C3orf49: variants seen among roughly 807,000 people sequenced by gnomAD.
C3orf49 encodes chromosome 3 open reading frame 49, also known as putative uncharacterized protein C3orf49.
In C3orf49, 27 loss-of-function variants were observed where a neutral mutation model predicts 13.3. The observed-to-expected ratio is 2.02, with a 90% CI of 1.49 to 2.79. C3orf49 has a LOEUF of 2.79. C3orf49 is among the 30% of genes most tolerant of loss of function. The pLI is 0.00. For missense variants in C3orf49, 242 were observed against 134.2 expected (o/e 1.80, Z -3.97); for synonymous variants, 87 against 47.6 (o/e 1.83, Z -3.40).
intron 5 of C3orf49, among the ~76,000 whole-genome samples, chr3:63,843,250 C>G (rs1701806291): frequency 6.6e-6 from 1 of 152,088 alleles, no homozygotes; most frequent in Admixed American, 6.6e-5. Context: ...TTCCGAGCAG[C>G]TGGGATTACA....
At chr3:63,818,563 G>C (rs1701349611), upstream of C3orf49, among the ~76,000 whole-genome samples, 1 of 152,196 alleles carries the variant, frequency 6.6e-6, no homozygotes, top group Non-Finnish European at 1.5e-5. Flanking sequence ...TTGAAAGCTT[G>C]AGAAGTATGC....
chr3:63,830,557 G>C (rs537230129), intron 3 of C3orf49, among the ~76,000 whole-genome samples: 8 of 152,240 alleles, frequency 5.3e-5, no homozygotes, highest in African/African-American at 1.9e-4. Context: ...CATGACCTGG[G>C]AATGATTTCC....
chr3:63,783,576 G>A, the C3orf49 span, among the ~76,000 whole-genome samples: 1 of 145,540 alleles, frequency 6.9e-6, no homozygotes, highest in African/African-American at 2.5e-5. Flanking sequence ...AAATTAGCCA[G>A]GTGTGGTGGC....
chr3:63,845,225 T>G (rs1363311060), intron 6 of C3orf49, 143 bp downstream of exon 6: 2 of 474,738 alleles, frequency 4.2e-6, no homozygotes, highest in Admixed American at 3.4e-5. Flanking sequence ...GTATCAAGAT[T>G]AGTTTGTGCT....
chr3:63,818,110 G>A (rs542914067), upstream of C3orf49, among the ~76,000 whole-genome samples: 35 of 152,274 alleles, frequency 2.3e-4, no homozygotes, highest in Admixed American at 1.2e-3. Flanking sequence ...ATAAGGGACA[G>A]AGGAACATCT....
In C3orf49 at chr3:63,823,289, T is replaced by A; in HGVS notation, c.165T>A (p.Asn55Lys). 1 of 702,986 alleles carries A rather than the reference T, an allele frequency of 1.4e-6. No individual in the cohort carries two copies. The highest frequency in any genetic ancestry group is 1.5e-5 in the South Asian group (1 of 67,590). The allele number at this position is 702,986 out of a possible 1,614,324, so 43.5% of individuals were successfully genotyped here. ...RAVSTNLLKQ[N>K]VLVPKEESSS... Reference sequence around the variant, plus strand: ...TGTCTACCAACTTACTAAAACAAAATGTATTGGTCCCTAAAGAGGAATCAT... The same window carrying A: ...TGTCTACCAACTTACTAAAACAAAAAGTATTGGTCCCTAAAGAGGAATCAT... The change falls in exon 2 of 7, where the codon AAT becomes AAA. Residue 55 changes from asparagine to lysine, a missense_variant. Asn to Lys is a moderately conservative substitution (Grantham distance 94, BLOSUM62 0). Coordinates refer to ENST00000295896, the MANE Select transcript of C3orf49 (RefSeq NM_001355236.2).
chr3:63,843,791 C>T (rs751498748), intron 5 of C3orf49, among the ~76,000 whole-genome samples: 2 of 151,954 alleles, frequency 1.3e-5, no homozygotes, highest in Non-Finnish European at 2.9e-5. Context: ...GTCCCAGCTA[C>T]TCAGAAGGCT....
chr3:63,838,025 C>T (rs755629784), intron 5 of C3orf49: 2 of 1,609,356 alleles, frequency 1.2e-6, no homozygotes, highest in Non-Finnish European at 1.7e-6. Flanking sequence ...GCTTTTTGCA[C>T]TCAGCAATTT....
At chr3:63,790,515 T>C in the C3orf49 span, among the ~76,000 whole-genome samples, 2 of 151,756 alleles carry the variant, frequency 1.3e-5, no homozygotes, top group Non-Finnish European at 2.9e-5. Flanking sequence ...CTTGGGGGTG[T>C]AACCTGGGAA....
At chr3:63,785,301 C>T in the C3orf49 span, among the ~76,000 whole-genome samples, 11 of 151,408 alleles carry the variant, frequency 7.3e-5, no homozygotes, top group African/African-American at 2.2e-4. Flanking sequence ...CTTGATCTCC[C>T]GACCTCATGA....
chr3:63,820,662 A>G (rs1701380320), intron 1 of C3orf49, among the ~76,000 whole-genome samples: 1 of 152,204 alleles, frequency 6.6e-6, no homozygotes, highest in African/African-American at 2.4e-5. Flanking sequence ...TAGTAGTAGA[A>G]TCACTTAAAA....
chr3:63,786,745 T>C, the C3orf49 span, among the ~76,000 whole-genome samples: 3 of 152,222 alleles, frequency 2.0e-5, no homozygotes, highest in East Asian at 5.8e-4. Context: ...ATGTCATAGG[T>C]ACTGATATTA....
At chr3:63,834,904 A>G (rs936805928) in intron 5 of C3orf49, among the ~76,000 whole-genome samples, 13 of 152,148 alleles carry the variant, frequency 8.5e-5, no homozygotes, top group African/African-American at 9.7e-5. Flanking sequence ...AAAGATTCCA[A>G]ATCTATCATC....
chr3:63,784,783 A>C, the C3orf49 span: 2 of 152,186 alleles, frequency 1.3e-5, no homozygotes, highest in East Asian at 3.9e-4. Flanking sequence ...ACTTGAATCC[A>C]GGAAGTAGAA....
At chr3:63,842,084 G>A (rs1466841872) in intron 5 of C3orf49, among the ~76,000 whole-genome samples, 1 of 152,146 alleles carries the variant, frequency 6.6e-6, no homozygotes, top group African/African-American at 2.4e-5. Flanking sequence ...ATCTAAGAGA[G>A]ATTAAAGTTT....
chr3:63,831,495 A>G (rs1474157368), intron 4 of C3orf49, among the ~76,000 whole-genome samples, 185 bp from the exon 5 acceptor site: 1 of 152,200 alleles, frequency 6.6e-6, no homozygotes, highest in Non-Finnish European at 1.5e-5. Context: ...GATTGTCTTT[A>G]TCACTGGGTG....
chr3:63,833,949 A>T, intron 5 of C3orf49: 1 of 542,724 alleles, frequency 1.8e-6, no homozygotes, highest in South Asian at 3.4e-5. Context: ...TTTTAATAAA[A>T]ACAAATCTAT....
chr3:63,806,827 G>A, the C3orf49 span, among the ~76,000 whole-genome samples: 1 of 152,078 alleles, frequency 6.6e-6, no homozygotes, highest in African/African-American at 2.4e-5. Context: ...GTGTTTGCAT[G>A]TTACCCCATC....
chr3:63,794,172 T>TACACACACACAC, the C3orf49 span, among the ~76,000 whole-genome samples: 683 of 142,688 alleles, frequency 4.8e-3, 8 homozygotes, highest in African/African-American at 0.014. Flanking sequence ...TACACACACA[T>TACACACACACAC]ACACACACAC....
Sources: allele counts gnomAD v4.1 joint callset (sites outside exome capture counted in the v4.1 genomes callset), GRCh38; gene constraint gnomAD v4.1.1; transcripts MANE v1.5; gene names NCBI Gene and HGNC (gene_info 2026-07-23, HGNC 2026-07-21).